The following PSORS1C1 variants were observed in gnomAD, a reference collection of about 807,000 sequenced individuals.
PSORS1C1 encodes psoriasis susceptibility 1 candidate gene 1 protein.
Under a neutral mutation model 9.4 loss-of-function variants are expected in PSORS1C1, and 7 were observed. The observed-to-expected ratio is 0.75, with a 90% confidence interval of 0.42 to 1.40. PSORS1C1 has a LOEUF of 1.40. Among genes scored for constraint, PSORS1C1 ranks in the 40% most tolerant of loss-of-function variants. The pLI is 0.01. For missense variants in PSORS1C1, 146 were observed against 178.1 expected, an observed-to-expected ratio of 0.82 and a Z score of 1.02; for synonymous variants, 63 against 69.4, an observed-to-expected ratio of 0.91 and a Z score of 0.46.
rs1772053904 is a variant in PSORS1C1 at position 31,115,413 on chromosome 6, G to A, written c.-229+522G>A. ...GGAAGTGGCCACAGGAAGGGGCTGAGATAAGGGCCTTGAGAGGCAATGGGT... is the reference window on the plus strand; with the variant it reads ...GGAAGTGGCCACAGGAAGGGGCTGAAATAAGGGCCTTGAGAGGCAATGGGT... On this transcript the variant is annotated intron_variant, in intron 1 of 5. Coordinates refer to ENST00000259881, the MANE Select transcript of PSORS1C1 (RefSeq NM_014068.3). This position sits in a 1 kb window ranked among gnomAD's most constrained non-coding sequence, Gnocchi z 4.2. The A allele has an allele frequency of 5.8e-6, 1 of 172,316 alleles. No homozygotes were observed. Among genetic ancestry groups the A allele is most frequent in the Admixed American group, 5.4e-5 (1 of 18,452 alleles). The allele number at this position is 172,316 out of a possible 1,614,324, so 10.7% of individuals were successfully genotyped here. A position where few individuals can be genotyped will look rare whatever the true frequency, so the allele number is the denominator to read the frequency against.
intron 3 of PSORS1C1, among the ~76,000 whole-genome samples, chr6:31,133,200 C>T (rs1233582462): frequency 6.6e-6 from 1 of 152,070 alleles, no homozygotes; most frequent in Admixed American, 6.6e-5. Context: ...CAGTCCCTGC[C>T]CCACAAGGTT....
In PSORS1C1 at chr6:31,127,296, G is replaced by A. The variant is rs558859113; in HGVS notation, c.-65+1457G>A. Among the ~76,000 whole-genome samples the A allele has an allele frequency of 7.9e-5, 12 of 152,176 alleles. No homozygotes were observed. In the East Asian group the frequency reaches 2.3e-3, roughly 29 times the overall value. On this transcript the variant is annotated intron_variant, in intron 2 of 5. Coordinates refer to ENST00000259881, the MANE Select transcript of PSORS1C1 (RefSeq NM_014068.3). ...GGGCTGTCTGAGTGCCTCTGGGTGA[G>A]AGTCCTCACAGGAGGGAGCTTCTCC...
At position 31,131,462 on chromosome 6, in the gene PSORS1C1, T is replaced by C. The variant is rs143933372; in HGVS notation, c.13+1817T>C. ...AACTACAAAAATTAGCCAGGTATGG[T>C]GGCGGGTGCCTGTAATCCCAGCCAT... On this transcript the variant is annotated intron_variant, in intron 3 of 5. Transcript: ENST00000259881. Among the ~76,000 whole-genome samples the C allele has an allele frequency of 3.6e-3, 542 of 152,112 alleles. 12 individuals are homozygous for C. The East Asian group carries it at 0.059, about 17-fold the overall frequency.
rs28442003 is a variant in PSORS1C1 at position 31,139,414 on chromosome 6, T to C, written c.168-227T>C. ...CAAAGAATGGGAGCAAACCACGCGA[T>C]GGGCGTTGGGAAGCACCGTAATTAC... On this transcript the variant is annotated intron_variant, in intron 5 of 5. Transcript: ENST00000259881. The surrounding 1 kb of genome is among the most constrained non-coding windows in gnomAD (Gnocchi z 5.2). 5.6e-3 allele frequency: 3,349 copies of C among 595,268 alleles called. 61 individuals carry two copies. The highest frequency in any genetic ancestry group is 0.04 in the African/African-American group (2,158 of 53,900). 36.9% of individuals were successfully genotyped at this position (595,268 alleles called of 1,614,324 possible).
At chr6:31,138,086 A>G in intron 3 of PSORS1C1, 1 of 1,580,670 alleles carries the variant, frequency 6.3e-7, no homozygotes, top group Non-Finnish European at 8.6e-7. Context: ...GGGGAGGTTG[A>G]GGAGGATCCG....
In PSORS1C1 at chr6:31,138,196, C is replaced by T. The variant is rs779662331; in HGVS notation, c.14-234C>T. 8.9e-6 allele frequency: 14 copies of T among 1,577,048 alleles called. No individual in the cohort carries two copies. The highest frequency in any genetic ancestry group is 1.4e-5 in the African/African-American group (1 of 73,588). ...GGATCTTCAAAGAGAGGGGGTGCCCCTGGCCAAGGGTCACCGGGGACTGGG... is the reference window on the plus strand; with the variant it reads ...GGATCTTCAAAGAGAGGGGGTGCCCTTGGCCAAGGGTCACCGGGGACTGGG... On this transcript the variant is annotated intron_variant, in intron 3 of 5. Transcript: ENST00000259881.
chr6:31,120,394 A>T, intron 1 of PSORS1C1: 1 of 1,592,706 alleles, frequency 6.3e-7, no homozygotes, highest in Non-Finnish European at 8.5e-7. Context: ...CACACGCCCC[A>T]TCCAGGGTGC....
chr6:31,122,806 C>T (rs9295953), intron 1 of PSORS1C1, among the ~76,000 whole-genome samples: 3,848 of 152,148 alleles, frequency 0.025, 127 homozygotes, highest in African/African-American at 0.074. Context: ...CTGCTCTTTC[C>T]GAACATCATT....
At chr6:31,138,803 C>T in intron 5 of PSORS1C1, 24 bp downstream of exon 5, 1 of 1,614,030 alleles carries the variant, frequency 6.2e-7, no homozygotes, top group South Asian at 1.1e-5. Flanking sequence ...GCACCTTCTG[C>T]ACCATGTCCC....
Position 31,115,045 on chromosome 6 carries a change from A to G in PSORS1C1, c.-229+154A>G. ...AATGGATTTCCTGGAGCAATGAGAG[A>G]GGAGGGAAATGGCGGAAGGATCTGG... is the stretch of plus-strand genomic sequence containing the variant. On this transcript the variant is annotated intron_variant, in intron 1 of 5. Coordinates refer to ENST00000259881, the MANE Select transcript of PSORS1C1 (RefSeq NM_014068.3). This position sits in a 1 kb window ranked among gnomAD's most constrained non-coding sequence, Gnocchi z 4.2. The G allele has an allele frequency of 2.7e-6, 1 of 368,510 alleles. No homozygotes were observed. Among genetic ancestry groups the G allele is most frequent in the Non-Finnish European group, 5.3e-6 (1 of 187,788 alleles). The allele number at this position is 368,510 out of a possible 1,614,324, so 22.8% of individuals were successfully genotyped here. A position where few individuals can be genotyped will look rare whatever the true frequency, so the allele number is the denominator to read the frequency against.
At chr6:31,116,049 T>C (rs1772093285) in intron 1 of PSORS1C1, 5 of 1,611,876 alleles carry the variant, frequency 3.1e-6, no homozygotes, top group East Asian at 2.2e-5. Context: ...GTAACTCTCC[T>C]TGGGGTAGGA....
At chr6:31,134,743 C>T (rs1773074407) in intron 3 of PSORS1C1, among the ~76,000 whole-genome samples, 1 of 152,194 alleles carries the variant, frequency 6.6e-6, no homozygotes, top group Non-Finnish European at 1.5e-5. Flanking sequence ...TGACAGTAGA[C>T]CATTGGGATC....
chr6:31,120,348 A>G, intron 1 of PSORS1C1: 1 of 1,583,976 alleles, frequency 6.3e-7, no homozygotes, highest in Non-Finnish European at 8.6e-7. Flanking sequence ...GCAGGAGGAG[A>G]CCAGCCAGCA....
At chr6:31,125,864 A>G (rs1270691389) in intron 2 of PSORS1C1, 25 bp downstream of exon 2, 1 of 152,260 alleles carries the variant, frequency 6.6e-6, no homozygotes, top group African/African-American at 2.4e-5. Flanking sequence ...TTCCCAGCAC[A>G]TAGCTGTGGC....
At chr6:31,116,943 G>A in intron 1 of PSORS1C1, 4 of 1,614,206 alleles carry the variant, frequency 2.5e-6, no homozygotes, top group Non-Finnish European at 1.7e-6. Context: ...TGCAGGGAGA[G>A]TCGGGGATGT....
At chr6:31,134,498 G>T (rs1014953246) in intron 3 of PSORS1C1, among the ~76,000 whole-genome samples, 2 of 151,738 alleles carry the variant, frequency 1.3e-5, no homozygotes, top group African/African-American at 2.4e-5. Flanking sequence ...GTAGAGACTG[G>T]GTTTCACCAT....
At chr6:31,114,997 C>G in intron 1 of PSORS1C1, 106 bp downstream of exon 1, 1 of 420,646 alleles carries the variant, frequency 2.4e-6, no homozygotes, top group Non-Finnish European at 4.7e-6. Context: ...GGGGACCCCA[C>G]GGTGAATGAG....
chr6:31,121,839 A>G (rs536808915), intron 1 of PSORS1C1, among the ~76,000 whole-genome samples: 1 of 152,358 alleles, frequency 6.6e-6, no homozygotes, highest in African/African-American at 2.4e-5. Flanking sequence ...CACTGGCCAC[A>G]TGGAGCAAGT....
At chr6:31,135,615 T>C (rs1366963170) in intron 3 of PSORS1C1, among the ~76,000 whole-genome samples, 1 of 152,224 alleles carries the variant, frequency 6.6e-6, no homozygotes, top group Non-Finnish European at 1.5e-5. Flanking sequence ...GCCATAGAAC[T>C]TTCATATCTG....
Sources: allele counts gnomAD v4.1 joint callset (sites outside exome capture counted in the v4.1 genomes callset), GRCh38; gene constraint gnomAD v4.1.1; non-coding constraint Gnocchi (gnomAD v3.1); transcripts MANE v1.5; gene names NCBI Gene and HGNC (gene_info 2026-07-23, HGNC 2026-07-21).